Variants in RSPRY1 observed in about 807,000 individuals in gnomAD.
RSPRY1 encodes the protein RING finger and SPRY domain-containing protein 1.
A neutral mutation model predicts 73.1 loss-of-function variants in RSPRY1; 23 were observed. The ratio of observed to expected loss-of-function variants is 0.31; its 90% CI spans 0.23 to 0.45. The LOEUF (loss-of-function observed/expected upper bound fraction) is 0.45. Among genes scored for constraint, RSPRY1 ranks in the 20% least tolerant of loss-of-function variants. The pLI is 1.00. For synonymous variants in RSPRY1, 226 were observed against 251.4 expected (o/e 0.90, Z 0.95); for missense variants, 448 against 698.7 (o/e 0.64, Z 4.05).
chr16:57,214,081 G>A (rs1452388199), intron 6 of RSPRY1, 135 bp downstream of exon 6: 1 of 644,916 alleles, frequency 1.6e-6, no homozygotes, highest in Non-Finnish European at 2.8e-6. Context: ...ATTTGCAGGT[G>A]TTTCCCGAGT....
At chr16:57,208,961 C>T in intron 3 of RSPRY1, 114 bp from the exon 4 acceptor site, 1 of 684,810 alleles carries the variant, frequency 1.5e-6, no homozygotes, top group Non-Finnish European at 2.4e-6. Flanking sequence ...ATATTAGCTG[C>T]TAAAAATCTA....
At chr16:57,209,384 A>G (rs1420589017) in intron 4 of RSPRY1, among the ~76,000 whole-genome samples, 197 bp downstream of exon 4, 1 of 151,936 alleles carries the variant, frequency 6.6e-6, no homozygotes, top group Non-Finnish European at 1.5e-5. Flanking sequence ...CCTCTTTGAG[A>G]CAAGAGTCTC....
chr16:57,231,806 A>G (rs78800122), intron 13 of RSPRY1, among the ~76,000 whole-genome samples: 5,703 of 152,282 alleles, frequency 0.037, 113 homozygotes, highest in Middle Eastern at 0.096. Context: ...ATGTGGTTTC[A>G]ACTGTGTGGC....
Position 57,220,782 on chromosome 16 carries a change from A to G in RSPRY1, c.952A>G (p.Ile318Val). The stretch of plus-strand genomic sequence containing the variant: ...CTATGAGAAAGTGAACTTGAGTAGC[A>G]TTAGGGCCATGCTGAATAGCAATGA... ...LTYEKVNLSS[I>V]RAMLNSNDVS... Residue 318 changes from isoleucine (I) to valine (V), a missense_variant, in exon 9 of 15, where the codon ATT becomes GTT. Transcript: ENST00000394420. 1.2e-6 allele frequency: 2 copies of G among 1,614,088 alleles called. No homozygotes were observed. The highest frequency in any genetic ancestry group is 1.7e-6 in the Non-Finnish European group (2 of 1,179,914).
chr16:57,204,514 G>T lies in RSPRY1; in HGVS notation c.-145G>T. The T allele has an allele frequency of 1.4e-6, 1 of 696,958 alleles. No individual in the cohort carries two copies. 43.2% of individuals were successfully genotyped at this position (696,958 alleles called of 1,614,324 possible). On this transcript the variant is annotated 5_prime_UTR_variant, in exon 2 of 15. Coordinates refer to ENST00000394420, the MANE Select transcript of RSPRY1 (RefSeq NM_133368.3). ...CTCATTTTCTTTTAGAACTGCCATTGGATGTCCAGAATCCCCTGTAGTTGA... is the reference window on the plus strand; with the variant it reads ...CTCATTTTCTTTTAGAACTGCCATTTGATGTCCAGAATCCCCTGTAGTTGA...
At chr16:57,190,521 A>T (rs998958100) in intron 1 of RSPRY1, among the ~76,000 whole-genome samples, 1 of 152,214 alleles carries the variant, frequency 6.6e-6, no homozygotes, top group Admixed American at 6.5e-5. Flanking sequence ...GGGGATAATA[A>T]ACTATGGATT....
Position 57,204,724 on chromosome 16 carries a change from T to C in RSPRY1, c.66T>C (p.Thr22=). Residue 22 remains threonine, a synonymous_variant, in exon 2 of 15, where the codon ACT becomes ACC. Transcript: ENST00000394420. ...GCCTTGGCCAGGGTCTGTTGTTGACTCTCGAAGAGCACATAGCCCACTTCC... is the reference window on the plus strand; with the variant it reads ...GCCTTGGCCAGGGTCTGTTGTTGACCCTCGAAGAGCACATAGCCCACTTCC... ...SRSLGQGLLL[T]LEEHIAHFLG... The C allele has an allele frequency of 6.2e-7, 1 of 1,614,194 alleles. No homozygotes were observed. Among genetic ancestry groups the C allele is most frequent in the Non-Finnish European group, 8.5e-7 (1 of 1,180,030 alleles).
At position 57,191,295 on chromosome 16, in the gene RSPRY1, T is replaced by C. The variant is rs116106888; in HGVS notation, c.-156+4844T>C. 4.4e-3 allele frequency among the ~76,000 whole-genome samples: 668 copies of C among 152,326 alleles called. 5 individuals are homozygous for C. Among genetic ancestry groups the C allele is most frequent in the African/African-American group, 0.015 (633 of 41,562 alleles). ...GTTTGTTTGTTTTTTTAAGTTTTTA[T>C]TGCTTCATAGTTGTTCATACTTAGG... On this transcript the variant is annotated intron_variant, in intron 1 of 14. Transcript: ENST00000394420.
chr16:57,187,665 G>A (rs1318580560), intron 1 of RSPRY1, among the ~76,000 whole-genome samples: 1 of 152,218 alleles, frequency 6.6e-6, no homozygotes, highest in Non-Finnish European at 1.5e-5. Context: ...AAAATGTAAA[G>A]TAGTATGTAG....
chr16:57,219,748 G>C (rs2075004763), intron 8 of RSPRY1: 1 of 152,192 alleles, frequency 6.6e-6, no homozygotes, highest in Non-Finnish European at 1.5e-5. Flanking sequence ...GTGTCCTGGA[G>C]AGTTTCCCCA....
intron 1 of RSPRY1, among the ~76,000 whole-genome samples, chr16:57,189,956 T>C (rs1408291832): frequency 6.6e-6 from 1 of 152,226 alleles, no homozygotes; most frequent in African/African-American, 2.4e-5. Flanking sequence ...TAATTTGTTC[T>C]AATGAAGTGG....
At chr16:57,199,921 T>C (rs2074534455) in intron 1 of RSPRY1, among the ~76,000 whole-genome samples, 1 of 149,552 alleles carries the variant, frequency 6.7e-6, no homozygotes, top group African/African-American at 2.4e-5. Context: ...TTCTTTTTTT[T>C]TTTTTTTATT....
At chr16:57,216,805 T>C in intron 7 of RSPRY1, 99 bp from the exon 8 acceptor site, 1 of 1,132,750 alleles carries the variant, frequency 8.8e-7, no homozygotes, top group Non-Finnish European at 1.3e-6. Context: ...AGTCTCCAAT[T>C]CTTTAATTGC....
Position 57,232,226 on chromosome 16 carries a change from C to T in RSPRY1, c.1529+907C>T, listed in dbSNP as rs576447339. ...CGTAATCCTAGCTCTTGTTTTGGCT[C>T]AAAAAGCAGATCTGCAAGCAGTGCT... On this transcript the variant is annotated intron_variant, in intron 13 of 14. Coordinates refer to ENST00000394420, the MANE Select transcript of RSPRY1 (RefSeq NM_133368.3). Among the ~76,000 whole-genome samples the T allele has an allele frequency of 2.0e-5, 3 of 152,214 alleles. No individual in the cohort carries two copies. The South Asian group carries it at 6.2e-4, about 32-fold the overall frequency.
intron 10 of RSPRY1, among the ~76,000 whole-genome samples, chr16:57,223,727 G>C (rs1250416832): frequency 6.6e-6 from 1 of 152,196 alleles, no homozygotes; most frequent in Non-Finnish European, 1.5e-5. Context: ...AGCCCAGATA[G>C]TGCCACTGCA....
chr16:57,203,837 T>C (rs1215841108), intron 1 of RSPRY1, among the ~76,000 whole-genome samples: 2 of 152,238 alleles, frequency 1.3e-5, no homozygotes, highest in Non-Finnish European at 2.9e-5. Context: ...ATTGTGAAAA[T>C]ACAACTTTTG....
chr16:57,187,908 T>C (rs2074273230), intron 1 of RSPRY1, among the ~76,000 whole-genome samples: 1 of 152,246 alleles, frequency 6.6e-6, no homozygotes, highest in African/African-American at 2.4e-5. Flanking sequence ...TAATATCTTT[T>C]CCTTCAGGAA....
chr16:57,221,352 A>G lies in RSPRY1; in HGVS notation c.1098A>G (p.Thr366=). ...CCGGGGTATGGTACTATGAAGTAAC[A>G]GTGGTCACTTCTGGCGTCATGCAGA... ...VDAGVWYYEV[T]VVTSGVMQIG... is the part of the protein sequence containing the mutation. Residue 366 remains threonine, a synonymous_variant, in exon 10 of 15, where the codon ACA becomes ACG. Transcript: ENST00000394420. The G allele has an allele frequency of 6.2e-7, 1 of 1,614,086 alleles. No individual in the cohort carries two copies. Among genetic ancestry groups the G allele is most frequent in the Non-Finnish European group, 8.5e-7 (1 of 1,179,938 alleles).
Position 57,213,097 on chromosome 16 carries a change from A to G in RSPRY1, c.642A>G (p.Ala214=). 2 of 1,611,816 alleles carry G rather than the reference A, an allele frequency of 1.2e-6. No individual in the cohort carries two copies. Among genetic ancestry groups the G allele is most frequent in the African/African-American group, 2.7e-5 (2 of 74,932 alleles). The change falls in exon 5 of 15, where the codon GCA becomes GCG. Residue 214 remains alanine, a splice_region_variant and synonymous_variant. Coordinates refer to ENST00000394420, the MANE Select transcript of RSPRY1 (RefSeq NM_133368.3). ...AVLGCLAEKL[A]GPASIGLLSP... is the part of the protein sequence containing the mutation. ...TAGGCTGCTTGGCCGAGAAACTAGC[A>G]GGTAACTTTGGGACACTCCACAGTG... is the stretch of plus-strand genomic sequence containing the variant.
Sources: gnomAD v4.1 joint callset for allele counts (sites outside exome capture counted in the v4.1 genomes callset) on GRCh38, gnomAD v4.1.1 for gene constraint, MANE v1.5 for transcripts, NCBI Gene and HGNC (gene_info 2026-07-23, HGNC 2026-07-21) for gene names.